Variants in KNTC1 observed in about 807,000 individuals in gnomAD.
The protein encoded by KNTC1 is kinetochore associated 1, also known as kinetochore-associated protein 1.
Under a neutral mutation model 314.4 loss-of-function variants are expected in KNTC1, and 253 were observed. That is an observed-to-expected ratio of 0.80 (90% confidence interval 0.73 to 0.89). The LOEUF is 0.89. Ranked by LOEUF, KNTC1 falls within the 40% of genes least tolerant of loss-of-function variation. KNTC1 has a pLI of 0.00. For missense variants in KNTC1, 2,475 were observed against 2,572.9 expected (o/e 0.96, Z 0.82); for synonymous variants, 901 against 901.4 (o/e 1.00, Z 0.01).
At chr12:122,576,116 A>G (rs780577957) in intron 29 of KNTC1, among the ~76,000 whole-genome samples, 2 of 152,022 alleles carry the variant, frequency 1.3e-5, no homozygotes, top group African/African-American at 2.4e-5. Flanking sequence ...CTGGAGTGCA[A>G]TGGCGCGATC....
chr12:122,531,161 C>CT (rs376418570), intron 2 of KNTC1, among the ~76,000 whole-genome samples: 4 of 148,200 alleles, frequency 2.7e-5, no homozygotes, highest in South Asian at 2.1e-4. Flanking sequence ...ATGCTTTTGA[C>CT]TTTTTTTTTT....
chr12:122,587,539 A>G (rs1869526683), intron 38 of KNTC1, among the ~76,000 whole-genome samples, 172 bp from the exon 39 acceptor site: 1 of 152,148 alleles, frequency 6.6e-6, no homozygotes, highest in Non-Finnish European at 1.5e-5. Flanking sequence ...AGACTTAGTT[A>G]TTTTCTGGTT....
chr12:122,583,306 A>AAAGT (rs1273472744), intron 34 of KNTC1, among the ~76,000 whole-genome samples: 3 of 152,116 alleles, frequency 2.0e-5, no homozygotes, highest in Non-Finnish European at 4.4e-5. Flanking sequence ...AAAAAGAAAG[A>AAAGT]AAGTAACAAC....
chr12:122,580,838 C>A (rs952154919), intron 33 of KNTC1, among the ~76,000 whole-genome samples, 168 bp downstream of exon 33: 2 of 152,132 alleles, frequency 1.3e-5, no homozygotes, highest in African/African-American at 4.8e-5. Context: ...ATCATCCTGG[C>A]TAACACGGTG....
intron 62 of KNTC1, among the ~76,000 whole-genome samples, chr12:122,623,313 T>C (rs1347189232): frequency 6.6e-6 from 1 of 152,112 alleles, no homozygotes; most frequent in Non-Finnish European, 1.5e-5. Context: ...GGGGTGGATA[T>C]GGAAACTGAA....
At chr12:122,569,900 C>G (rs368535804) in intron 22 of KNTC1, 76 bp downstream of exon 22, 1 of 1,337,660 alleles carries the variant, frequency 7.5e-7, no homozygotes, top group Non-Finnish European at 1.0e-6. Flanking sequence ...AATTAAGTCA[C>G]GTTAACACCA....
At chr12:122,546,365 A>C in intron 9 of KNTC1, 96 bp downstream of exon 9, 1 of 764,792 alleles carries the variant, frequency 1.3e-6, no homozygotes, top group Non-Finnish European at 2.2e-6. Context: ...ATTTTACCCT[A>C]CCACTCTTTG....
intron 43 of KNTC1, among the ~76,000 whole-genome samples, chr12:122,596,813 G>T (rs1320791669): frequency 1.3e-5 from 2 of 152,088 alleles, no homozygotes; most frequent in African/African-American, 2.4e-5. Context: ...CTGCACTTTA[G>T]CCTGGGGAAC....
At chr12:122,534,592 G>A in intron 2 of KNTC1, 72 bp from the exon 3 acceptor site, 1 of 1,374,272 alleles carries the variant, frequency 7.3e-7, no homozygotes, top group South Asian at 1.3e-5. Flanking sequence ...GGAATTTGAT[G>A]ATACTATTGA....
intron 2 of KNTC1, among the ~76,000 whole-genome samples, chr12:122,534,352 T>C (rs1282377594): frequency 6.6e-6 from 1 of 152,134 alleles, no homozygotes; most frequent in Non-Finnish European, 1.5e-5. Context: ...TTTATTCCAA[T>C]CTTGATTAAT....
In KNTC1 at chr12:122,597,901, A is replaced by G. The variant is rs1168153376; in HGVS notation, c.4526A>G (p.Lys1509Arg). ...ATGGTTCCTTTACTGACGAGCACAAAAGATTTGGTCATCAGTCTTAGTGGA... is the reference window on the plus strand; with the variant it reads ...ATGGTTCCTTTACTGACGAGCACAAGAGATTTGGTCATCAGTCTTAGTGGA... ...LEMVPLLTST[K>R]DLVISLSGIL... The change falls in exon 44 of 64, where the codon AAA becomes AGA. Residue 1509 changes from lysine to arginine, a missense_variant. Coordinates refer to ENST00000333479, the MANE Select transcript of KNTC1 (RefSeq NM_014708.6). The G allele has an allele frequency of 5.0e-6, 8 of 1,614,062 alleles. No individual in the cohort carries two copies. Among genetic ancestry groups the G allele is most frequent in the Non-Finnish European group, 6.8e-6 (8 of 1,179,894 alleles).
At chr12:122,624,054 G>A (rs903104374) in intron 62 of KNTC1, among the ~76,000 whole-genome samples, 7 of 152,084 alleles carry the variant, frequency 4.6e-5, no homozygotes, top group African/African-American at 1.7e-4. Context: ...TGCAACAAGA[G>A]TGAAACTCTG....
rs754814840 is a variant in KNTC1 at position 122,573,041 on chromosome 12, C to G, written c.2124C>G (p.Leu708=). The G allele has an allele frequency of 6.2e-7, 1 of 1,612,228 alleles. No individual in the cohort carries two copies. Among genetic ancestry groups the G allele is most frequent in the Non-Finnish European group, 8.5e-7 (1 of 1,178,980 alleles). ...LHRKYNCKLA[L]SDFEKENTTT... ...GGAAGTACAACTGCAAATTAGCCCT[C>G]TCTGATTTTGAGAAGGTAAAGTCCA... Residue 708 remains leucine (L), a synonymous_variant, in exon 25 of 64, where the codon CTC becomes CTG. Coordinates refer to ENST00000333479, the MANE Select transcript of KNTC1 (RefSeq NM_014708.6).
chr12:122,579,801 G>A (rs144203118), intron 31 of KNTC1, 104 bp from the exon 32 acceptor site: 12 of 753,928 alleles, frequency 1.6e-5, no homozygotes, highest in South Asian at 1.5e-4. Flanking sequence ...ACTCCTCCAC[G>A]ATTGTTTTTT....
intron 16 of KNTC1, among the ~76,000 whole-genome samples, chr12:122,552,421 G>A (rs896587759): frequency 6.6e-6 from 1 of 152,200 alleles, no homozygotes; most frequent in Non-Finnish European, 1.5e-5. Context: ...CTGGAGTACA[G>A]TGGGGCGATC....
chr12:122,620,168 CAA>C (rs10719316), intron 59 of KNTC1: 790 of 99,252 alleles, frequency 8.0e-3, no homozygotes, highest in Middle Eastern at 0.031. Flanking sequence ...GACTGTTTCT[CAA>C]AAAAAAAAAA....
At chr12:122,597,540 C>T in intron 43 of KNTC1, 191 bp from the exon 44 acceptor site, 1 of 566,352 alleles carries the variant, frequency 1.8e-6, no homozygotes, top group Non-Finnish European at 3.2e-6. Flanking sequence ...AGCCACTGCA[C>T]CCGGCCTAAT....
intron 13 of KNTC1, among the ~76,000 whole-genome samples, chr12:122,551,072 C>T (rs1963162022): frequency 6.6e-6 from 1 of 151,944 alleles, no homozygotes; most frequent in Non-Finnish European, 1.5e-5. Context: ...AAGTGTTTTT[C>T]CCTTAATAGA....
At chr12:122,598,123 A>G (rs1871313611) in intron 44 of KNTC1, among the ~76,000 whole-genome samples, 185 bp downstream of exon 44, 1 of 152,234 alleles carries the variant, frequency 6.6e-6, no homozygotes, top group African/African-American at 2.4e-5. Context: ...CAAAATAGAA[A>G]TAGCTTTTCT....
Sources: allele counts gnomAD v4.1 joint callset (sites outside exome capture counted in the v4.1 genomes callset), GRCh38; gene constraint gnomAD v4.1.1; transcripts MANE v1.5; gene names NCBI Gene and HGNC (gene_info 2026-07-23, HGNC 2026-07-21).